SHC4: variants seen among roughly 807,000 people sequenced by gnomAD.
SHC4 encodes SHC adaptor protein 4.
In SHC4, 41 loss-of-function variants were observed where a neutral mutation model predicts 69.4. The ratio of observed to expected loss-of-function variants is 0.59; its 90% CI spans 0.46 to 0.77. The LOEUF (loss-of-function observed/expected upper bound fraction) is 0.77. SHC4 is among the 30% of genes least tolerant of loss of function. The pLI is 0.00. For missense variants in SHC4, 777 were observed against 783.8 expected, an observed-to-expected ratio of 0.99 and a Z score of 0.10; for synonymous variants, 318 against 299.3, an observed-to-expected ratio of 1.06 and a Z score of -0.64.
intron 8 of SHC4, 69 bp downstream of exon 8, chr15:48,855,884 A>G: frequency 6.8e-7 from 1 of 1,470,606 alleles, no homozygotes. Flanking sequence ...GGAAATCCTC[A>G]AAGTAAATGC....
At chr15:48,842,774 T>C (rs1399110642) in intron 10 of SHC4, among the ~76,000 whole-genome samples, 2 of 151,836 alleles carry the variant, frequency 1.3e-5, no homozygotes, top group East Asian at 1.9e-4. Context: ...TTACAAAAAA[T>C]ACAAAAATTA....
At chr15:48,852,776 C>A (rs1442336766) in intron 8 of SHC4, among the ~76,000 whole-genome samples, 5 of 151,980 alleles carry the variant, frequency 3.3e-5, no homozygotes, top group African/African-American at 1.2e-4. Context: ...GTGGCATGCA[C>A]CTGTAATCCC....
Position 48,896,813 on chromosome 15 carries a change from T to C in SHC4, c.657-6002A>G, listed in dbSNP as rs80260431. On this transcript the variant is annotated intron_variant, in intron 2 of 11. Coordinates refer to ENST00000332408, the MANE Select transcript of SHC4 (RefSeq NM_203349.4). ...TGAAATCCCAGCAAGGACAGGCAGATAGATGCCTACATTTTGTTGCTTTTG... is the reference window on the plus strand; with the variant it reads ...TGAAATCCCAGCAAGGACAGGCAGACAGATGCCTACATTTTGTTGCTTTTG... Among the ~76,000 whole-genome samples, 628 of 152,356 alleles carry C rather than the reference T, an allele frequency of 4.1e-3. 5 individuals are homozygous for C. The highest frequency in any genetic ancestry group is 0.015 in the African/African-American group (609 of 41,574).
At chr15:48,841,741 C>T (rs1234576860) in intron 10 of SHC4, among the ~76,000 whole-genome samples, 1 of 152,172 alleles carries the variant, frequency 6.6e-6, no homozygotes, top group Non-Finnish European at 1.5e-5. Context: ...CTCTTACAGA[C>T]CCTGCCTGCC....
chr15:48,930,611 T>G (rs539520391), intron 1 of SHC4, among the ~76,000 whole-genome samples: 1 of 152,156 alleles, frequency 6.6e-6, no homozygotes, highest in African/African-American at 2.4e-5. Context: ...CACTCCAGCC[T>G]GGGGGACAGA....
At chr15:48,902,402 G>C (rs1900333912) in intron 2 of SHC4, among the ~76,000 whole-genome samples, 1 of 152,104 alleles carries the variant, frequency 6.6e-6, no homozygotes, top group South Asian at 2.1e-4. Flanking sequence ...TTCAGATATT[G>C]CATGGTACCT....
At chr15:48,841,899 G>T (rs369408584) in intron 10 of SHC4, among the ~76,000 whole-genome samples, 2 of 152,236 alleles carry the variant, frequency 1.3e-5, no homozygotes, top group South Asian at 2.1e-4. Context: ...CAGTTAAGAC[G>T]GTCTGCTGAG....
chr15:48,907,840 G>GTGTATATA (rs763689321), intron 2 of SHC4, among the ~76,000 whole-genome samples: 50 of 142,230 alleles, frequency 3.5e-4, no homozygotes, highest in African/African-American at 1.2e-3. Context: ...GTGTGTGTGT[G>GTGTATATA]TATATATATA....
chr15:48,883,668 G>A (rs1271800475), intron 4 of SHC4, among the ~76,000 whole-genome samples: 3 of 152,176 alleles, frequency 2.0e-5, no homozygotes, highest in Admixed American at 2.0e-4. Context: ...CTTCAGCAAT[G>A]CTGTTCTTTG....
intron 2 of SHC4, among the ~76,000 whole-genome samples, chr15:48,908,031 G>T (rs1900441355): frequency 6.6e-6 from 1 of 152,074 alleles, no homozygotes; most frequent in Non-Finnish European, 1.5e-5. Context: ...GGCTCAGAGA[G>T]GTAAGTGGCC....
intron 2 of SHC4, among the ~76,000 whole-genome samples, chr15:48,897,936 C>A (rs150137091): frequency 5.9e-4 from 90 of 152,270 alleles, no homozygotes; most frequent in African/African-American, 1.6e-3. Context: ...TCCCAAAGGT[C>A]TTTCTTTCAC....
intron 3 of SHC4, among the ~76,000 whole-genome samples, chr15:48,887,046 T>A (rs1304479305): frequency 6.6e-6 from 1 of 152,232 alleles, no homozygotes; most frequent in Non-Finnish European, 1.5e-5. Context: ...TTCTACTCTA[T>A]GTCGCATAGT....
intron 2 of SHC4, among the ~76,000 whole-genome samples, chr15:48,913,889 T>C (rs900582528): frequency 6.6e-6 from 1 of 152,184 alleles, no homozygotes; most frequent in Admixed American, 6.5e-5. Flanking sequence ...GTGGGTGTGT[T>C]TGTTCAGGAG....
At chr15:48,946,649 C>G in intron 1 of SHC4, 1 of 949,368 alleles carries the variant, frequency 1.1e-6, no homozygotes, top group Non-Finnish European at 1.3e-6. Context: ...CACTGGATGG[C>G]TGTTCCCCAT....
chr15:48,874,480 C>G (rs1201984342), intron 4 of SHC4, among the ~76,000 whole-genome samples: 1 of 128,338 alleles, frequency 7.8e-6, no homozygotes, highest in Non-Finnish European at 1.8e-5. Flanking sequence ...CCGTTGCTCA[C>G]ATTACTGTCT....
intron 4 of SHC4, among the ~76,000 whole-genome samples, chr15:48,881,468 G>C (rs1392257815): frequency 1.3e-5 from 2 of 151,846 alleles, no homozygotes; most frequent in East Asian, 3.9e-4. Context: ...CAGAGGCCAG[G>C]TAGCACTTGA....
At chr15:48,854,274 C>T (rs1899269760) in intron 8 of SHC4, among the ~76,000 whole-genome samples, 1 of 152,078 alleles carries the variant, frequency 6.6e-6, no homozygotes, top group Admixed American at 6.6e-5. Flanking sequence ...TCACATATCA[C>T]ATATCATATC....
At position 48,945,146 on chromosome 15, in the gene SHC4, G is replaced by C. The variant is rs571328530; in HGVS notation, c.585+17285C>G. ...GATTGAAATGTTGGGTCCTCCCAGAGACAGACTCACTCTGAAAAGCAAAAA... is the reference window on the plus strand; with the variant it reads ...GATTGAAATGTTGGGTCCTCCCAGACACAGACTCACTCTGAAAAGCAAAAA... On this transcript the variant is annotated intron_variant, in intron 1 of 11. Transcript: ENST00000332408. Among the ~76,000 whole-genome samples, 39 of 152,268 alleles carry C rather than the reference G, an allele frequency of 2.6e-4. No homozygotes were observed. The South Asian group carries it at 7.9e-3, about 31-fold the overall frequency.
chr15:48,920,150 G>A (rs1476823347), intron 2 of SHC4, among the ~76,000 whole-genome samples: 1 of 151,714 alleles, frequency 6.6e-6, no homozygotes, highest in African/African-American at 2.4e-5. Context: ...GAGTAGCTGG[G>A]ACTACAGGCA....
Sources: gnomAD v4.1 joint callset for allele counts (sites outside exome capture counted in the v4.1 genomes callset) on GRCh38, gnomAD v4.1.1 for gene constraint, MANE v1.5 for transcripts, NCBI Gene and HGNC (gene_info 2026-07-23, HGNC 2026-07-21) for gene names.